Variants in TTC33 observed in about 807,000 individuals in gnomAD.
TTC33 encodes the protein tetratricopeptide repeat domain 33.
Under a neutral mutation model 29.4 loss-of-function variants are expected in TTC33, and 24 were observed. The observed-to-expected ratio is 0.82, with a 90% CI of 0.59 to 1.15. TTC33 has a LOEUF of 1.15. Among genes scored for constraint, TTC33 ranks in the 50% most tolerant of loss-of-function variants. TTC33 has a pLI of 0.00. For missense variants in TTC33, 286 were observed against 310.4 expected (o/e 0.92, Z 0.59); for synonymous variants, 107 against 100.3 (o/e 1.07, Z -0.40).
chr5:40,741,374 T>A (rs552761242), intron 2 of TTC33, among the ~76,000 whole-genome samples: 1 of 152,358 alleles, frequency 6.6e-6, no homozygotes, highest in Non-Finnish European at 1.5e-5. Context: ...TCTGAATGGC[T>A]GAAGCTTGAA....
rs750417901 is a variant in TTC33 at position 40,713,123 on chromosome 5, T to A, written c.*3022A>T. On this transcript the variant is annotated 3_prime_UTR_variant, in exon 5 of 5. Coordinates refer to ENST00000337702, the MANE Select transcript of TTC33 (RefSeq NM_012382.3). ...GGAAGAAAAAAACACATTTAAGATA[T>A]CCATTGATTTGAAGATAATTATTAT... Among the ~76,000 whole-genome samples, 2 of 152,122 alleles carry A rather than the reference T, an allele frequency of 1.3e-5. No homozygotes were observed. The highest frequency in any genetic ancestry group is 2.4e-5 in the African/African-American group (1 of 41,442).
At chr5:40,733,265 G>C (rs1197627213) in intron 2 of TTC33, among the ~76,000 whole-genome samples, 4 of 152,254 alleles carry the variant, frequency 2.6e-5, no homozygotes, top group African/African-American at 9.6e-5. Flanking sequence ...TGAGGAAGGG[G>C]CTGAAGGTCT....
At chr5:40,747,680 C>G (rs953692515) in intron 1 of TTC33, among the ~76,000 whole-genome samples, 2 of 152,106 alleles carry the variant, frequency 1.3e-5, no homozygotes, top group African/African-American at 4.8e-5. Context: ...GAAAATAAAG[C>G]TGGTTTCTTC....
At chr5:40,744,415 T>C (rs1467451227) in intron 2 of TTC33, among the ~76,000 whole-genome samples, 2 of 150,958 alleles carry the variant, frequency 1.3e-5, no homozygotes, top group African/African-American at 4.9e-5. Flanking sequence ...TAAAAGCTAA[T>C]ATATTGGTTC....
chr5:40,719,626 T>C (rs1017728575), intron 4 of TTC33, among the ~76,000 whole-genome samples: 2 of 152,242 alleles, frequency 1.3e-5, no homozygotes, highest in Non-Finnish European at 1.5e-5. Context: ...GCTGCCAGAC[T>C]GTTTTCCAAA....
In TTC33 at chr5:40,729,681, T is replaced by C. The variant is rs567421481; in HGVS notation, c.303+581A>G. Among the ~76,000 whole-genome samples the C allele has an allele frequency of 1.6e-4, 24 of 152,262 alleles. No homozygotes were observed. In the South Asian group the frequency reaches 4.6e-3, roughly 29 times the overall value. ...TTTCATCTAAGAGCTCAACAGTGAC[T>C]TTTTATTTATTTTTTATTTACTTAT... On this transcript the variant is annotated intron_variant, in intron 3 of 4. Transcript: ENST00000337702.
rs1186646802 is a variant in TTC33 at position 40,755,928 on chromosome 5, C to CCCT, written c.-109_-107dup. On this transcript the variant is annotated 5_prime_UTR_variant, in exon 1 of 5. Coordinates refer to ENST00000337702, the MANE Select transcript of TTC33 (RefSeq NM_012382.3). ...CAAAGGAAAGACGACTCAGTCTTTC[C>CCCT]CCTCCGCCAATCTCTTCTCCGGGAC... 3.3e-5 allele frequency: 5 copies of CCCT among 152,416 alleles called. No homozygotes were observed. Among genetic ancestry groups the CCCT allele is most frequent in the African/African-American group, 1.2e-4 (5 of 41,472 alleles). The allele number at this position is 152,416 out of a possible 1,614,324, so 9.4% of individuals were successfully genotyped here. A position where few individuals can be genotyped will look rare whatever the true frequency, so the allele number is the denominator to read the frequency against.
intron 4 of TTC33, among the ~76,000 whole-genome samples, chr5:40,723,818 T>C (rs2111880146): frequency 6.6e-6 from 1 of 151,240 alleles, no homozygotes; most frequent in Non-Finnish European, 1.5e-5. Context: ...TGAGCCGAGA[T>C]CACACCACTG....
chr5:40,718,347 A>T (rs1452419916), intron 4 of TTC33, among the ~76,000 whole-genome samples: 1 of 152,192 alleles, frequency 6.6e-6, no homozygotes, highest in African/African-American at 2.4e-5. Flanking sequence ...CAGAGGTTAC[A>T]GTGAGCCAAG....
chr5:40,725,420 A>C (rs1389360634), intron 4 of TTC33, among the ~76,000 whole-genome samples: 2 of 152,218 alleles, frequency 1.3e-5, no homozygotes, highest in Non-Finnish European at 2.9e-5. Context: ...TTTCTAATTA[A>C]AGATTTGCTC....
intron 2 of TTC33, among the ~76,000 whole-genome samples, chr5:40,739,751 A>G (rs1359067179): frequency 6.6e-6 from 1 of 152,174 alleles, no homozygotes; most frequent in Admixed American, 6.5e-5. Context: ...TAAATTATCC[A>G]GTCTCAGGTA....
intron 2 of TTC33, among the ~76,000 whole-genome samples, chr5:40,740,111 T>C (rs1445340677): frequency 6.6e-6 from 1 of 152,158 alleles, no homozygotes; most frequent in African/African-American, 2.4e-5. Context: ...ATTACAATTG[T>C]TATATATTTA....
intron 2 of TTC33, among the ~76,000 whole-genome samples, chr5:40,742,005 AAG>A (rs1742705387): frequency 6.6e-6 from 1 of 152,174 alleles, no homozygotes; most frequent in African/African-American, 2.4e-5. Context: ...AAAGAAAAAA[AAG>A]AAATTAAGGA....
At chr5:40,732,887 C>T (rs1481893123) in intron 2 of TTC33, among the ~76,000 whole-genome samples, 1 of 152,162 alleles carries the variant, frequency 6.6e-6, no homozygotes, top group Non-Finnish European at 1.5e-5. Flanking sequence ...GGATTATAGG[C>T]ATGAGCCACC....
intron 2 of TTC33, among the ~76,000 whole-genome samples, chr5:40,746,257 T>A (rs922462636): frequency 6.6e-6 from 1 of 152,098 alleles, no homozygotes; most frequent in African/African-American, 2.4e-5. Flanking sequence ...AAGAAATGGG[T>A]GCATATAGGA....
At position 40,712,457 on chromosome 5, in the gene TTC33, G is replaced by A. The variant is rs1037287838; in HGVS notation, c.*3688C>T. 1.6e-4 allele frequency among the ~76,000 whole-genome samples: 24 copies of A among 152,116 alleles called. No individual in the cohort carries two copies. Among genetic ancestry groups the A allele is most frequent in the African/African-American group, 5.8e-4 (24 of 41,448 alleles). ...GACAGATGGAGATTCAATATTTTAA[G>A]TTTACTGCTGAAAAAGGCTAGGTTA... On this transcript the variant is annotated 3_prime_UTR_variant, in exon 5 of 5. Transcript: ENST00000337702.
chr5:40,716,060 A>G lies in TTC33; in HGVS notation c.*85T>C, dbSNP rs1741989473. 8.7e-6 allele frequency: 10 copies of G among 1,155,366 alleles called. No individual in the cohort carries two copies. The highest frequency in any genetic ancestry group is 5.0e-5 in the East Asian group (2 of 39,728). The allele number at this position is 1,155,366 out of a possible 1,614,324, so 71.6% of individuals were successfully genotyped here. A position where few individuals can be genotyped will look rare whatever the true frequency, so the allele number is the denominator to read the frequency against. ...ATATTTTACAACCAGGCGTTCTCCT[A>G]TCTATCTCCAGAGTAAATGTCTCTA... On this transcript the variant is annotated 3_prime_UTR_variant, in exon 5 of 5. Coordinates refer to ENST00000337702, the MANE Select transcript of TTC33 (RefSeq NM_012382.3).
intron 3 of TTC33, among the ~76,000 whole-genome samples, chr5:40,729,717 G>A (rs1742378852): frequency 6.6e-6 from 1 of 151,790 alleles, no homozygotes; most frequent in African/African-American, 2.4e-5. Flanking sequence ...TTATTTTTTT[G>A]AGATGGAGTC....
chr5:40,717,294 T>C (rs1742022739), intron 4 of TTC33, among the ~76,000 whole-genome samples: 1 of 149,876 alleles, frequency 6.7e-6, no homozygotes, highest in Non-Finnish European at 1.5e-5. Flanking sequence ...TCATATGAAG[T>C]AGGTATGGTT....
Sources: allele counts gnomAD v4.1 joint callset (sites outside exome capture counted in the v4.1 genomes callset), GRCh38; gene constraint gnomAD v4.1.1; transcripts MANE v1.5; gene names NCBI Gene and HGNC (gene_info 2026-07-23, HGNC 2026-07-21).